KIF6: variants seen among roughly 807,000 people sequenced by gnomAD.
The protein encoded by KIF6 is kinesin family member 6, also known as kinesin-like protein KIF6.
KIF6 carries 106 observed loss-of-function variants against 112.7 expected under a neutral mutation model. The observed-to-expected ratio is 0.94, with a 90% CI of 0.80 to 1.11. The LOEUF (loss-of-function observed/expected upper bound fraction) is 1.11. Among genes scored for constraint, KIF6 ranks in the 50% least tolerant of loss-of-function variants. The pLI, the probability that KIF6 is intolerant of heterozygous loss-of-function variation, is 0.00. For missense variants in KIF6, 929 were observed against 964.0 expected (o/e 0.96, Z 0.48); for synonymous variants, 339 against 339.9 (o/e 1.00, Z 0.03).
rs1356809807 is a variant in KIF6, at chr6:39,378,736, T to A, written c.1861+6886A>T. On this transcript the variant is annotated intron_variant, in intron 16 of 22. Transcript: ENST00000287152. This position sits in a 1 kb window ranked among gnomAD's most constrained non-coding sequence, Gnocchi z 5.0. ...CTTTTAAATTTTAACCACAGGCACC[T>A]GTTAAGGGTTTTGATTGTGAACTGA... Among the ~76,000 whole-genome samples the A allele has an allele frequency of 6.6e-6, 1 of 152,184 alleles. No homozygotes were observed. The highest frequency in any genetic ancestry group is 2.4e-5 in the African/African-American group (1 of 41,438).
chr6:39,695,073 A>T (rs994952478), intron 3 of KIF6, among the ~76,000 whole-genome samples: 2 of 152,202 alleles, frequency 1.3e-5, no homozygotes, highest in African/African-American at 4.8e-5. Context: ...TGGGGAAAGG[A>T]TACCCTATTG....
chr6:39,345,622 G>A, intron 21 of KIF6, 78 bp downstream of exon 21: 8 of 1,212,518 alleles, frequency 6.6e-6, no homozygotes, highest in East Asian at 2.4e-5. Flanking sequence ...GGGCTTTTTC[G>A]GGGAGTAGAC....
Position 39,330,977 on chromosome 6 carries a change from A to C in KIF6, c.*5555T>G, listed in dbSNP as rs1293095300. ...GGAACACTGTCTCCCCCACATGCTC[A>C]CATGGCCCAAATCCCCACAAGTCCC... On this transcript the variant is annotated 3_prime_UTR_variant, in exon 23 of 23. Transcript: ENST00000287152. 6.6e-6 allele frequency: 1 copy of C among 152,454 alleles called. No homozygotes were observed. The highest frequency in any genetic ancestry group is 1.9e-4 in the East Asian group (1 of 5,196). The allele number at this position is 152,454 out of a possible 1,614,324, so 9.4% of individuals were successfully genotyped here.
At chr6:39,556,155 T>C (rs559079679) in intron 10 of KIF6, among the ~76,000 whole-genome samples, 17 of 152,324 alleles carry the variant, frequency 1.1e-4, no homozygotes, top group Admixed American at 1.1e-3. Context: ...ACTCCCTCTT[T>C]AAATTCTACA....
intron 13 of KIF6, among the ~76,000 whole-genome samples, chr6:39,480,824 G>A (rs1302929619): frequency 6.6e-6 from 1 of 152,006 alleles, no homozygotes; most frequent in Non-Finnish European, 1.5e-5. Context: ...TCTCTTCCAG[G>A]TTTTCTAGTT....
At chr6:39,707,595 G>A (rs1220764509) in intron 3 of KIF6, among the ~76,000 whole-genome samples, 1 of 152,208 alleles carries the variant, frequency 6.6e-6, no homozygotes, top group Non-Finnish European at 1.5e-5. Context: ...TCAGAGTCAT[G>A]TTTCTTTGTA....
chr6:39,429,091 T>G (rs1169780050), intron 14 of KIF6, among the ~76,000 whole-genome samples: 1 of 152,242 alleles, frequency 6.6e-6, no homozygotes, highest in East Asian at 1.9e-4. Context: ...CAGAGCCATG[T>G]ACTCCCACTC....
At chr6:39,540,250 T>C (rs929099518) in intron 12 of KIF6, 29 bp from the exon 13 acceptor site, 16 of 1,368,344 alleles carry the variant, frequency 1.2e-5, no homozygotes, top group African/African-American at 7.2e-5. Flanking sequence ...ATTTAATGCC[T>C]GATGCTAGCT....
chr6:39,567,368 G>T (rs1019173310), intron 10 of KIF6, among the ~76,000 whole-genome samples: 1 of 152,194 alleles, frequency 6.6e-6, no homozygotes, highest in African/African-American at 2.4e-5. Context: ...GAAAAGGCAT[G>T]ACCATCTTAA....
intron 16 of KIF6, among the ~76,000 whole-genome samples, chr6:39,382,236 G>T (rs938378718): frequency 6.6e-6 from 1 of 152,210 alleles, no homozygotes; most frequent in African/African-American, 2.4e-5. Flanking sequence ...GCATGATGCT[G>T]AGGTTTGGGC....
At chr6:39,489,133 A>C (rs930741793) in intron 13 of KIF6, among the ~76,000 whole-genome samples, 1 of 152,238 alleles carries the variant, frequency 6.6e-6, no homozygotes, top group Admixed American at 6.5e-5. Context: ...TGGCCATAGA[A>C]ATCAGCTTTA....
At chr6:39,580,937 G>C (rs1015522280) in intron 9 of KIF6, among the ~76,000 whole-genome samples, 11 of 151,902 alleles carry the variant, frequency 7.2e-5, no homozygotes, top group African/African-American at 2.7e-4. Context: ...TCTAGTGATA[G>C]ATTACTTTGA....
intron 3 of KIF6, among the ~76,000 whole-genome samples, chr6:39,687,497 A>C (rs1365892759): frequency 6.6e-6 from 1 of 152,212 alleles, no homozygotes; most frequent in Non-Finnish European, 1.5e-5. Flanking sequence ...TTAACATCAA[A>C]GAGTATCATT....
At chr6:39,385,759 A>G (rs1767361387) in intron 15 of KIF6, 87 bp from the exon 16 acceptor site, 1 of 790,518 alleles carries the variant, frequency 1.3e-6, no homozygotes, top group African/African-American at 1.7e-5. Context: ...AGCTACAGAA[A>G]AAAAAAAAAA....
At chr6:39,558,496 T>C (rs1342775452) in intron 10 of KIF6, among the ~76,000 whole-genome samples, 2 of 152,280 alleles carry the variant, frequency 1.3e-5, no homozygotes, top group East Asian at 3.9e-4. Flanking sequence ...AAAAAGATTT[T>C]CTGTGAAAAG....
At chr6:39,658,235 T>G (rs1785916067) in intron 3 of KIF6, among the ~76,000 whole-genome samples, 1 of 152,190 alleles carries the variant, frequency 6.6e-6, no homozygotes, top group Non-Finnish European at 1.5e-5. Context: ...TTAAAAGAAC[T>G]ATACACTAAT....
chr6:39,448,771 G>C (rs1351084777), intron 13 of KIF6, among the ~76,000 whole-genome samples: 1 of 152,160 alleles, frequency 6.6e-6, no homozygotes, highest in African/African-American at 2.4e-5. Flanking sequence ...GCTCCAAAAT[G>C]ACTTTCCCTT....
rs116252625 is a variant in KIF6 at position 39,672,787 on chromosome 6, C to A, written c.252-33030G>T. Among the ~76,000 whole-genome samples the A allele has an allele frequency of 1.2e-3, 180 of 152,232 alleles. 1 individual carries two copies. Among genetic ancestry groups the A allele is most frequent in the South Asian group, 1.9e-3 (9 of 4,820 alleles). On this transcript the variant is annotated intron_variant, in intron 3 of 22. Transcript: ENST00000287152. The stretch of plus-strand genomic sequence containing the variant: ...GGTCTTATCTGATTAGGGTCCCACT[C>A]TTATGACCTCATTTAACCTTAATTA...
At chr6:39,673,810 T>C (rs1786978181) in intron 3 of KIF6, among the ~76,000 whole-genome samples, 1 of 152,186 alleles carries the variant, frequency 6.6e-6, no homozygotes, top group Non-Finnish European at 1.5e-5. Flanking sequence ...AGATCCAAAA[T>C]TTCTAGCCCA....
Sources: gnomAD v4.1 joint callset for allele counts (sites outside exome capture counted in the v4.1 genomes callset) on GRCh38, gnomAD v4.1.1 for gene constraint, Gnocchi (gnomAD v3.1) non-coding constraint, MANE v1.5 for transcripts, NCBI Gene and HGNC (gene_info 2026-07-23, HGNC 2026-07-21) for gene names.